Variants in PHLDB2 observed in about 807,000 individuals in gnomAD.
The protein encoded by PHLDB2 is pleckstrin homology like domain family B member 2, also known as pleckstrin homology-like domain family B member 2.
In PHLDB2, 71 loss-of-function variants were observed where a neutral mutation model predicts 123.6. That is an observed-to-expected ratio of 0.57 (90% confidence interval 0.47 to 0.70). The LOEUF (loss-of-function observed/expected upper bound fraction) is 0.70, where lower values mean the gene tolerates loss of function less well. Ranked by LOEUF, PHLDB2 falls within the 30% of genes least tolerant of loss-of-function variation. The pLI, the probability that PHLDB2 is intolerant of heterozygous loss-of-function variation, is 0.00. For synonymous variants in PHLDB2, 547 were observed against 541.6 expected (o/e 1.01, Z -0.14); for missense variants, 1,446 against 1,519.5 (o/e 0.95, Z 0.80).
At chr3:111,781,517 T>C (rs1325996177) in intron 1 of PHLDB2, among the ~76,000 whole-genome samples, 2 of 152,082 alleles carry the variant, frequency 1.3e-5, no homozygotes, top group Non-Finnish European at 2.9e-5. Context: ...TATCAGCATC[T>C]CCCCAATAAC....
chr3:111,963,691 G>A (rs766266366), intron 13 of PHLDB2, among the ~76,000 whole-genome samples: 3 of 152,070 alleles, frequency 2.0e-5, no homozygotes, highest in Non-Finnish European at 4.4e-5. Context: ...AATAAACCAC[G>A]AGACCAAGTT....
chr3:111,830,551 T>G (rs1447688530), intron 1 of PHLDB2, among the ~76,000 whole-genome samples: 5 of 147,832 alleles, frequency 3.4e-5, no homozygotes, highest in African/African-American at 1.0e-4. Context: ...GGCTCACGCC[T>G]GTAATCCCAG....
chr3:111,936,476 TTTTG>T (rs2069499110), intron 6 of PHLDB2, among the ~76,000 whole-genome samples: 2 of 152,230 alleles, frequency 1.3e-5, no homozygotes, highest in African/African-American at 4.8e-5. Context: ...CCTAATAGTT[TTTTG>T]TTTAAGATGT....
At chr3:111,767,976 G>A (rs1322008972) in intron 1 of PHLDB2, among the ~76,000 whole-genome samples, 2 of 152,148 alleles carry the variant, frequency 1.3e-5, no homozygotes, top group Non-Finnish European at 2.9e-5. Flanking sequence ...CTGGTAGGAT[G>A]TGATAAAGGT....
chr3:111,961,464 G>T (rs1184481542), intron 12 of PHLDB2, among the ~76,000 whole-genome samples: 1 of 152,188 alleles, frequency 6.6e-6, no homozygotes, highest in African/African-American at 2.4e-5. Context: ...GAGAGCTAGG[G>T]TAATTACGAG....
chr3:111,778,913 TCA>T (rs2060316038), intron 1 of PHLDB2, among the ~76,000 whole-genome samples: 1 of 152,130 alleles, frequency 6.6e-6, no homozygotes, highest in Admixed American at 6.6e-5. Context: ...TTTCCTTTGC[TCA>T]CACAGAGTTC....
At chr3:111,944,990 A>T (rs1313853557) in intron 8 of PHLDB2, among the ~76,000 whole-genome samples, 1 of 152,196 alleles carries the variant, frequency 6.6e-6, no homozygotes, top group African/African-American at 2.4e-5. Flanking sequence ...TGTTTTTAAA[A>T]TTTTATTTTA....
At chr3:111,880,902 C>T (rs755076417) in intron 1 of PHLDB2, among the ~76,000 whole-genome samples, 37 of 152,192 alleles carry the variant, frequency 2.4e-4, no homozygotes, top group Non-Finnish European at 3.2e-4. Context: ...GCTATTTTTT[C>T]GGCCAAATCT....
At chr3:111,878,113 A>G (rs1445498531) in intron 1 of PHLDB2, among the ~76,000 whole-genome samples, 1 of 152,178 alleles carries the variant, frequency 6.6e-6, no homozygotes, top group Non-Finnish European at 1.5e-5. Flanking sequence ...CTTGATGGGA[A>G]TAGCATTGAA....
intron 1 of PHLDB2, among the ~76,000 whole-genome samples, chr3:111,733,747 A>C (rs749641220): frequency 3.9e-5 from 6 of 152,172 alleles, no homozygotes; most frequent in Non-Finnish European, 8.8e-5. Flanking sequence ...GAAATATGTA[A>C]TTTTTATCTA....
At chr3:111,872,711 GA>G (rs947887755) in intron 1 of PHLDB2, among the ~76,000 whole-genome samples, 11 of 152,118 alleles carry the variant, frequency 7.2e-5, no homozygotes, top group African/African-American at 2.4e-4. Flanking sequence ...CACCTAAAAT[GA>G]AAAGGGCACT....
At chr3:111,852,061 T>C (rs929059876) in intron 2 of PHLDB2, among the ~76,000 whole-genome samples, 7 of 152,194 alleles carry the variant, frequency 4.6e-5, no homozygotes, top group East Asian at 1.9e-4. Context: ...TTTTTTAGTA[T>C]ATATTACATT....
intron 5 of PHLDB2, among the ~76,000 whole-genome samples, chr3:111,924,195 A>C (rs1190197818): frequency 6.6e-6 from 1 of 152,206 alleles, no homozygotes; most frequent in Non-Finnish European, 1.5e-5. Flanking sequence ...TTAGTTTTTC[A>C]GAAAAGCCCT....
intron 8 of PHLDB2, among the ~76,000 whole-genome samples, chr3:111,942,214 G>A (rs1253271898): frequency 6.6e-6 from 1 of 152,142 alleles, no homozygotes; most frequent in African/African-American, 2.4e-5. Flanking sequence ...GATACAATTA[G>A]ATTGTAAAAA....
At chr3:111,791,409 T>A (rs2060919016) in intron 1 of PHLDB2, among the ~76,000 whole-genome samples, 1 of 152,254 alleles carries the variant, frequency 6.6e-6, no homozygotes, top group Non-Finnish European at 1.5e-5. Context: ...CTCACAGGAC[T>A]AACTCATTGT....
chr3:111,910,039 G>C lies in PHLDB2; in HGVS notation c.1336-3280G>C, dbSNP rs148519570. Among the ~76,000 whole-genome samples, 412 of 152,274 alleles carry C rather than the reference G, an allele frequency of 2.7e-3. 2 individuals carry two copies. Among genetic ancestry groups the C allele is most frequent in the African/African-American group, 9.8e-3 (406 of 41,558 alleles). Reference sequence around the variant, plus strand: ...TTAGGAGATGGATGTACCCTCTCCTGAGGGCTGTGAATCTGCAGTGGGAAC... The same window carrying C: ...TTAGGAGATGGATGTACCCTCTCCTCAGGGCTGTGAATCTGCAGTGGGAAC... On this transcript the variant is annotated intron_variant, in intron 2 of 17. Coordinates refer to ENST00000431670, the MANE Select transcript of PHLDB2 (RefSeq NM_001134438.2).
intron 5 of PHLDB2, among the ~76,000 whole-genome samples, chr3:111,925,280 A>G (rs936569534): frequency 2.0e-5 from 3 of 152,250 alleles, no homozygotes; most frequent in East Asian, 1.9e-4. Context: ...GCATACTTCT[A>G]TAGAAAACAT....
intron 1 of PHLDB2, among the ~76,000 whole-genome samples, chr3:111,791,078 C>A (rs1399507257): frequency 6.6e-6 from 1 of 152,076 alleles, no homozygotes; most frequent in Non-Finnish European, 1.5e-5. Flanking sequence ...ATGATTTAAC[C>A]AGCTATGAAT....
At chr3:111,878,919 A>G (rs1008770153) in intron 1 of PHLDB2, among the ~76,000 whole-genome samples, 1 of 152,176 alleles carries the variant, frequency 6.6e-6, no homozygotes, top group African/African-American at 2.4e-5. Context: ...ATCATGGTGG[A>G]TAAGCTTTTT....
Sources: allele counts gnomAD v4.1 joint callset (sites outside exome capture counted in the v4.1 genomes callset), GRCh38; gene constraint gnomAD v4.1.1; transcripts MANE v1.5; gene names NCBI Gene and HGNC (gene_info 2026-07-23, HGNC 2026-07-21).